Variants in ETV6 observed in about 807,000 individuals in gnomAD.
ETV6 encodes ETS variant transcription factor 6, also known as transcription factor ETV6.
A neutral mutation model predicts 51.1 loss-of-function variants in ETV6; 16 were observed. The observed-to-expected ratio is 0.31, with a 90% CI of 0.21 to 0.48. The LOEUF (loss-of-function observed/expected upper bound fraction) is 0.48, where lower values mean the gene tolerates loss of function less well. Ranked by LOEUF, ETV6 falls within the 20% of genes least tolerant of loss-of-function variation. ETV6 has a pLI of 0.99. For synonymous variants in ETV6, 240 were observed against 224.1 expected (o/e 1.07, Z -0.64); for missense variants, 458 against 594.8 (o/e 0.77, Z 2.39).
chr12:11,702,973 G>A (rs1041363118), intron 1 of ETV6, among the ~76,000 whole-genome samples: 1 of 152,166 alleles, frequency 6.6e-6, no homozygotes, highest in Non-Finnish European at 1.5e-5. Flanking sequence ...GGGCGTGGTG[G>A]CACATGCCTG....
At chr12:11,672,325 C>T (rs1565480927) in intron 1 of ETV6, among the ~76,000 whole-genome samples, 1 of 152,150 alleles carries the variant, frequency 6.6e-6, no homozygotes, top group Non-Finnish European at 1.5e-5. Flanking sequence ...GAGCTCAAAG[C>T]ATTTCATCCT....
intron 2 of ETV6, among the ~76,000 whole-genome samples, chr12:11,794,298 C>T (rs1945645556): frequency 6.6e-6 from 1 of 152,266 alleles, no homozygotes; most frequent in African/African-American, 2.4e-5. Flanking sequence ...AAGATGCTTC[C>T]TATGAAACCG....
intron 1 of ETV6, among the ~76,000 whole-genome samples, chr12:11,708,050 T>A (rs552065175): frequency 3.3e-5 from 5 of 152,230 alleles, no homozygotes; most frequent in Non-Finnish European, 4.4e-5. Flanking sequence ...GTTATAATTT[T>A]GAATGTTCTG....
At chr12:11,748,991 T>C (rs556702282) in intron 1 of ETV6, among the ~76,000 whole-genome samples, 4 of 152,182 alleles carry the variant, frequency 2.6e-5, no homozygotes, top group Non-Finnish European at 5.9e-5. Flanking sequence ...TTGTGCCGCC[T>C]CCTTGACAAC....
At chr12:11,816,813 G>T (rs1456699206) in intron 2 of ETV6, among the ~76,000 whole-genome samples, 1 of 152,168 alleles carries the variant, frequency 6.6e-6, no homozygotes, top group African/African-American at 2.4e-5. Flanking sequence ...CACTGCAGTT[G>T]ACAATTTGAA....
intron 1 of ETV6, among the ~76,000 whole-genome samples, chr12:11,662,367 A>G (rs1349611288): frequency 6.6e-6 from 1 of 152,236 alleles, no homozygotes; most frequent in Non-Finnish European, 1.5e-5. Flanking sequence ...AGTGGCACAA[A>G]TCACTAACAT....
At chr12:11,874,299 C>A (rs902536230) in intron 5 of ETV6, among the ~76,000 whole-genome samples, 2 of 151,368 alleles carry the variant, frequency 1.3e-5, no homozygotes, top group Admixed American at 1.3e-4. Context: ...ATCGCTTGAA[C>A]CTGGAAGGTG....
chr12:11,680,398 T>G (rs1387555013), intron 1 of ETV6, among the ~76,000 whole-genome samples: 2 of 152,220 alleles, frequency 1.3e-5, no homozygotes, highest in Non-Finnish European at 2.9e-5. Flanking sequence ...ATATTTTGCT[T>G]CCTTTGGTTT....
Position 11,884,431 on chromosome 12 carries a change from CT to C in ETV6, c.1010-10del. On this transcript the variant is annotated splice_polypyrimidine_tract_variant and intron_variant, in intron 5 of 7. Coordinates refer to ENST00000396373, the MANE Select transcript of ETV6 (RefSeq NM_001987.5). ...ACATTTTCAACAGTGTTTTCTTGCC[CT>C]TTTCCTCTGTAGACTGTAGACTGCT... is the stretch of plus-strand genomic sequence containing the variant. The C allele has an allele frequency of 6.2e-7, 1 of 1,614,032 alleles. No homozygotes were observed. Among genetic ancestry groups the C allele is most frequent in the Non-Finnish European group, 8.5e-7 (1 of 1,179,948 alleles).
At chr12:11,769,805 C>G (rs114854055) in intron 2 of ETV6, among the ~76,000 whole-genome samples, 3 of 152,262 alleles carry the variant, frequency 2.0e-5, no homozygotes, top group African/African-American at 7.2e-5. Context: ...TTATTTACTT[C>G]GTTTGGAAGT....
chr12:11,728,336 G>A (rs894443491), intron 1 of ETV6, among the ~76,000 whole-genome samples: 6 of 152,200 alleles, frequency 3.9e-5, no homozygotes, highest in African/African-American at 1.2e-4. Context: ...AGTACTGTCC[G>A]TGGCCTTTTA....
intron 1 of ETV6, among the ~76,000 whole-genome samples, chr12:11,675,983 G>T (rs145936520): frequency 6.6e-6 from 1 of 152,200 alleles, no homozygotes; most frequent in African/African-American, 2.4e-5. Flanking sequence ...GAGGAACTGG[G>T]TACCTAGAAG....
At chr12:11,696,602 G>A (rs1249391040) in intron 1 of ETV6, among the ~76,000 whole-genome samples, 1 of 152,162 alleles carries the variant, frequency 6.6e-6, no homozygotes, top group Non-Finnish European at 1.5e-5. Context: ...AGGATCACTT[G>A]AGTCAGGAGT....
At chr12:11,774,845 AG>A (rs1440657405) in intron 2 of ETV6, among the ~76,000 whole-genome samples, 2 of 152,220 alleles carry the variant, frequency 1.3e-5, no homozygotes, top group Non-Finnish European at 2.9e-5. Context: ...TGAATGACAG[AG>A]GGTACTGCTT....
chr12:11,866,520 C>T (rs1946792857), intron 4 of ETV6, among the ~76,000 whole-genome samples: 1 of 152,126 alleles, frequency 6.6e-6, no homozygotes, highest in South Asian at 2.1e-4. Context: ...AATTACTGGC[C>T]AGTTACTTTG....
intron 1 of ETV6, among the ~76,000 whole-genome samples, chr12:11,697,016 A>C (rs1409338005): frequency 6.6e-6 from 1 of 152,194 alleles, no homozygotes; most frequent in African/African-American, 2.4e-5. Context: ...ATTGTAGGTA[A>C]TACTTCTGTA....
chr12:11,664,273 T>C (rs193006437), intron 1 of ETV6, among the ~76,000 whole-genome samples: 3 of 152,374 alleles, frequency 2.0e-5, no homozygotes, highest in East Asian at 1.9e-4. Context: ...GTGTCTCTTA[T>C]AATCCTCTGA....
chr12:11,705,442 G>A (rs1865056663), intron 1 of ETV6, among the ~76,000 whole-genome samples: 1 of 152,258 alleles, frequency 6.6e-6, no homozygotes, highest in African/African-American at 2.4e-5. Flanking sequence ...TTTTCGAGCG[G>A]CTTTCGATTA....
rs747770209 is a variant in ETV6 at position 11,869,556 on chromosome 12, G to A, written c.596G>A (p.Arg199Gln). The A allele has an allele frequency of 1.7e-5, 27 of 1,613,982 alleles. No homozygotes were observed. The highest frequency in any genetic ancestry group is 1.2e-4 in the South Asian group (11 of 91,078). The change falls in exon 5 of 8, where the codon CGG (arginine) becomes CAG (glutamine). Residue 199 changes from arginine to glutamine, a missense_variant. By Grantham distance (43) the Arg-to-Gln change is conservative. Coordinates refer to ENST00000396373, the MANE Select transcript of ETV6 (RefSeq NM_001987.5). This position sits in a 1 kb window ranked among gnomAD's most constrained non-coding sequence, Gnocchi z 5.0. ...CGGCCTTCTCCTGACCCCGAGCAGC[G>A]GCCCCTCCGGTCCCCCCTGGACAAC... The part of the protein sequence containing the change: ...NHRPSPDPEQ[R>Q]PLRSPLDNMI...
Sources: allele counts gnomAD v4.1 joint callset (sites outside exome capture counted in the v4.1 genomes callset), GRCh38; gene constraint gnomAD v4.1.1; non-coding constraint Gnocchi (gnomAD v3.1); transcripts MANE v1.5; gene names NCBI Gene and HGNC (gene_info 2026-07-23, HGNC 2026-07-21).